Variants in CD4 observed in about 807,000 individuals in gnomAD.
The protein encoded by CD4 is CD4 molecule.
Under a neutral mutation model 50.5 loss-of-function variants are expected in CD4, and 25 were observed. The ratio of observed to expected loss-of-function variants is 0.49; its 90% CI spans 0.36 to 0.69. The LOEUF (loss-of-function observed/expected upper bound fraction) is 0.69, where lower values mean the gene tolerates loss of function less well. Among genes scored for constraint, CD4 ranks in the 30% least tolerant of loss-of-function variants. CD4 has a pLI of 0.00. For missense variants in CD4, 456 were observed against 548.5 expected (o/e 0.83, Z 1.68); for synonymous variants, 207 against 221.9 (o/e 0.93, Z 0.60).
rs527252271 is a variant in CD4 at position 6,792,543 on chromosome 12, T to A, written c.-68+2881T>A. Among the ~76,000 whole-genome samples, 4 of 152,222 alleles carry A rather than the reference T, an allele frequency of 2.6e-5. No homozygotes were observed. Among genetic ancestry groups the A allele is most frequent in the African/African-American group, 9.6e-5 (4 of 41,526 alleles). On this transcript the variant is annotated intron_variant, in intron 1 of 9. Coordinates refer to ENST00000011653, the MANE Select transcript of CD4 (RefSeq NM_000616.5). This position sits in a 1 kb window ranked among gnomAD's most constrained non-coding sequence, Gnocchi z 4.1. ...GGTCTCTCTCTCCCACATCTTTCCCTCCCCTCCTCCCTTGAGGCTCTGTGC... is the reference window on the plus strand; with the variant it reads ...GGTCTCTCTCTCCCACATCTTTCCCACCCCTCCTCCCTTGAGGCTCTGTGC...
intron 3 of CD4, among the ~76,000 whole-genome samples, chr12:6,801,095 A>C (rs1942531010): frequency 6.6e-6 from 1 of 151,484 alleles, no homozygotes; most frequent in South Asian, 2.1e-4. Context: ...TTATAGAGAC[A>C]GGGTTTCACC....
rs782499460 is a variant in CD4 at position 6,816,403 on chromosome 12, G to A, written c.955G>A (p.Ala319Thr). 1.2e-6 allele frequency: 2 copies of A among 1,611,134 alleles called. No individual in the cohort carries two copies. The highest frequency in any genetic ancestry group is 8.5e-7 in the Non-Finnish European group (1 of 1,178,034). The stretch of plus-strand genomic sequence containing the variant: ...GGAAGTGAACCTGGTGGTGATGAGA[G>A]GTGAGGGGCCAGGCCAGGGAGGGGT... ...HQEVNLVVMR[A>T]TQLQKNLTCE... The change falls in exon 6 of 10, where the codon GCC (alanine) becomes ACC (threonine). Residue 319 changes from alanine (A) to threonine (T), a missense_variant and splice_region_variant. Ala to Thr is a moderately conservative substitution (Grantham distance 58). Transcript: ENST00000011653. This position sits in a 1 kb window ranked among gnomAD's most constrained non-coding sequence, Gnocchi z 4.9.
At chr12:6,791,183 G>A (rs994029932) in intron 1 of CD4, among the ~76,000 whole-genome samples, 1 of 152,228 alleles carries the variant, frequency 6.6e-6, no homozygotes, top group East Asian at 1.9e-4. Context: ...TCTGACCCTG[G>A]CCGTAATGGC....
chr12:6,794,512 C>T, intron 1 of CD4, among the ~76,000 whole-genome samples: 1 of 151,352 alleles, frequency 6.6e-6, no homozygotes, highest in East Asian at 2.0e-4. Flanking sequence ...GCTGAGATTA[C>T]AGACGTGCGT....
At chr12:6,794,042 A>G (rs2137835400) in intron 1 of CD4, among the ~76,000 whole-genome samples, 1 of 145,418 alleles carries the variant, frequency 6.9e-6, no homozygotes, top group African/African-American at 2.5e-5. Context: ...CTGTCTATCT[A>G]TCTTTATGTA....
At chr12:6,807,802 T>C (rs1406740468) in intron 3 of CD4, among the ~76,000 whole-genome samples, 1 of 152,142 alleles carries the variant, frequency 6.6e-6, no homozygotes, top group Non-Finnish European at 1.5e-5. Flanking sequence ...AGTTTAATGC[T>C]AGGCGTGGTG....
intron 1 of CD4, among the ~76,000 whole-genome samples, chr12:6,795,125 T>TATCC (rs908597060): frequency 6.6e-6 from 1 of 151,872 alleles, no homozygotes; most frequent in Admixed American, 6.6e-5. Context: ...TCTATCTATC[T>TATCC]ATCTATCTAT....
At chr12:6,806,575 TAAAC>T (rs1942766482) in intron 3 of CD4, among the ~76,000 whole-genome samples, 1 of 152,188 alleles carries the variant, frequency 6.6e-6, no homozygotes, top group African/African-American at 2.4e-5. Context: ...TAGAATATGA[TAAAC>T]AACTCTCAAA....
intron 3 of CD4, among the ~76,000 whole-genome samples, chr12:6,813,277 G>T (rs782237458): frequency 6.8e-6 from 1 of 147,590 alleles, no homozygotes; most frequent in African/African-American, 2.5e-5. Flanking sequence ...GGCTGATCTC[G>T]AACTCCTGGG....
intron 3 of CD4, among the ~76,000 whole-genome samples, chr12:6,811,806 C>T (rs28920475): frequency 1.5e-3 from 225 of 151,038 alleles, no homozygotes; most frequent in African/African-American, 5.1e-3. Context: ...CCACCGCACC[C>T]GGCCAAAAAT....
chr12:6,798,172 CTT>C (rs1167230229), intron 1 of CD4, among the ~76,000 whole-genome samples: 20 of 139,376 alleles, frequency 1.4e-4, no homozygotes, highest in Admixed American at 1.4e-4. Flanking sequence ...AAGAACTTTT[CTT>C]TTTTTTTTTT....
intron 1 of CD4, among the ~76,000 whole-genome samples, chr12:6,791,790 G>C (rs1942170039): frequency 6.6e-6 from 1 of 152,320 alleles, no homozygotes; most frequent in Non-Finnish European, 1.5e-5. Context: ...GCTGAGGTGG[G>C]AGGATTGCTT....
At chr12:6,796,514 G>A (rs1286144892) in intron 1 of CD4, among the ~76,000 whole-genome samples, 2 of 152,182 alleles carry the variant, frequency 1.3e-5, no homozygotes, top group Non-Finnish European at 2.9e-5. Flanking sequence ...CTTGAGCCCT[G>A]CTCCAGCCTT....
intron 1 of CD4, among the ~76,000 whole-genome samples, chr12:6,795,098 C>CTCCATCTA (rs1555114241): frequency 1.4e-5 from 2 of 147,104 alleles, no homozygotes; most frequent in African/African-American, 5.0e-5. Flanking sequence ...AAATGTCTGT[C>CTCCATCTA]TCTATCTATC....
Position 6,819,394 on chromosome 12 carries a change from C to T in CD4, c.*65C>T, listed in dbSNP as rs767541851. On this transcript the variant is annotated 3_prime_UTR_variant, in exon 10 of 10. Transcript: ENST00000011653. ...GTGTCTGCCCCGCGTTTCCTGCCTGCGGACCAGATGAATGTAGCAGATCCC... is the reference window on the plus strand; with the variant it reads ...GTGTCTGCCCCGCGTTTCCTGCCTGTGGACCAGATGAATGTAGCAGATCCC... The T allele has an allele frequency of 2.4e-5, 36 of 1,472,740 alleles. No individual in the cohort carries two copies. The highest frequency in any genetic ancestry group is 5.7e-5 in the South Asian group (5 of 88,342). 91.2% of individuals were successfully genotyped at this position (1,472,740 alleles called of 1,614,324 possible).
In CD4 at chr12:6,819,407, T is replaced by C; in HGVS notation, c.*78T>C. 1 of 1,395,312 alleles carries C rather than the reference T, an allele frequency of 7.2e-7. No homozygotes were observed. The highest frequency in any genetic ancestry group is 1.0e-6 in the Non-Finnish European group (1 of 981,246). 86.4% of individuals were successfully genotyped at this position (1,395,312 alleles called of 1,614,324 possible). A position where few individuals can be genotyped will look rare whatever the true frequency, so the allele number is the denominator to read the frequency against. ...GTTTCCTGCCTGCGGACCAGATGAATGTAGCAGATCCCCAGCCTCTGGCCT... is the reference window on the plus strand; with the variant it reads ...GTTTCCTGCCTGCGGACCAGATGAACGTAGCAGATCCCCAGCCTCTGGCCT... On this transcript the variant is annotated 3_prime_UTR_variant, in exon 10 of 10. Transcript: ENST00000011653.
At chr12:6,805,577 G>T (rs782080247) in intron 3 of CD4, among the ~76,000 whole-genome samples, 2 of 132,246 alleles carry the variant, frequency 1.5e-5, no homozygotes, top group Non-Finnish European at 3.2e-5. Context: ...AAAAAAAAAA[G>T]AAAAAAGAAA....
intron 1 of CD4, among the ~76,000 whole-genome samples, chr12:6,797,961 C>T (rs1329440263): frequency 1.3e-5 from 2 of 152,174 alleles, no homozygotes; most frequent in East Asian, 3.9e-4. Flanking sequence ...CAGCACAGAC[C>T]CTTTACGGGT....
rs1268589832 is a variant in CD4, at chr12:6,814,908, G to A, written c.523G>A (p.Glu175Lys). The A allele has an allele frequency of 6.2e-7, 1 of 1,613,520 alleles. No homozygotes were observed. The highest frequency in any genetic ancestry group is 1.3e-5 in the African/African-American group (1 of 74,848). The change falls in exon 5 of 10, where the codon GAG becomes AAG. Residue 175 changes from glutamate to lysine, a missense_variant. Transcript: ENST00000011653. Reference protein sequence around the residue: ...GGKTLSVSQLELQDSGTWTCT... With the variant: ...GGKTLSVSQLKLQDSGTWTCT... Reference sequence around the variant, plus strand: ...GAAGACCCTCTCCGTGTCTCAGCTGGAGCTCCAGGATAGTGGCACCTGGAC... The same window carrying A: ...GAAGACCCTCTCCGTGTCTCAGCTGAAGCTCCAGGATAGTGGCACCTGGAC...
Sources: allele counts gnomAD v4.1 joint callset (sites outside exome capture counted in the v4.1 genomes callset), GRCh38; gene constraint gnomAD v4.1.1; non-coding constraint Gnocchi (gnomAD v3.1); transcripts MANE v1.5; gene names NCBI Gene and HGNC (gene_info 2026-07-23, HGNC 2026-07-21).